The following TCF7 variants were observed in gnomAD, a reference collection of about 807,000 sequenced individuals.
TCF7 encodes T-cell-factor-7.
TCF7 carries 19 observed loss-of-function variants against 46.8 expected under a neutral mutation model. That is an observed-to-expected ratio of 0.41 (90% CI 0.28 to 0.60). The LOEUF (loss-of-function observed/expected upper bound fraction) is 0.60, where lower values mean the gene tolerates loss of function less well. TCF7 is among the 20% of genes least tolerant of loss of function. The probability of loss-of-function intolerance (pLI) is 0.35; values close to 1 mark genes in which losing one functional copy is unlikely to be tolerated. For missense variants in TCF7, 547 were observed against 504.6 expected (o/e 1.08, Z -0.81); for synonymous variants, 245 against 213.4 (o/e 1.15, Z -1.29).
intron 3 of TCF7, among the ~76,000 whole-genome samples, chr5:134,136,705 G>T (rs1350750345): frequency 6.6e-6 from 1 of 152,112 alleles, no homozygotes; most frequent in African/African-American, 2.4e-5. Flanking sequence ...CCTTCTCCAG[G>T]CCTGGTAATA....
At chr5:134,122,198 A>G (rs947224814) in intron 3 of TCF7, among the ~76,000 whole-genome samples, 4 of 152,122 alleles carry the variant, frequency 2.6e-5, no homozygotes, top group Non-Finnish European at 2.9e-5. Flanking sequence ...GGTTAGAGCC[A>G]GGCTTCCTGC....
intron 3 of TCF7, among the ~76,000 whole-genome samples, chr5:134,123,140 G>T (rs575274220): frequency 8.4e-4 from 128 of 152,354 alleles, no homozygotes; most frequent in Non-Finnish European, 1.6e-3. Context: ...GGCAGCGGTG[G>T]TAGAGGGAAG....
chr5:134,134,909 G>GAGT (rs1474986499), intron 3 of TCF7, among the ~76,000 whole-genome samples: 6 of 152,314 alleles, frequency 3.9e-5, no homozygotes, highest in African/African-American at 1.4e-4. Flanking sequence ...ACAAGGAAGA[G>GAGT]AGTAGAAGGT....
intron 3 of TCF7, among the ~76,000 whole-genome samples, chr5:134,122,278 C>A (rs991196448): frequency 6.6e-6 from 1 of 152,088 alleles, no homozygotes; most frequent in African/African-American, 2.4e-5. Flanking sequence ...TCTGGAAAGT[C>A]GGGGTGAGTA....
chr5:134,143,478 G>A (rs1255248891), intron 8 of TCF7, 114 bp from the exon 9 acceptor site: 4 of 1,268,120 alleles, frequency 3.2e-6, no homozygotes, highest in East Asian at 2.3e-5. Context: ...GCACCCCAAG[G>A]TAGGAGGGGC....
intron 3 of TCF7, among the ~76,000 whole-genome samples, chr5:134,137,171 C>A (rs1334913580): frequency 1.3e-5 from 2 of 152,196 alleles, no homozygotes. Context: ...CGCCTGTAAT[C>A]CCAGCACTCT....
At chr5:134,145,123 A>G in intron 9 of TCF7, 1 of 643,714 alleles carries the variant, frequency 1.6e-6, no homozygotes. Flanking sequence ...CAGACTCAAG[A>G]AGGCAGCTCT....
rs184779635 is a variant in TCF7 at position 134,117,224 on chromosome 5, C to T, written c.441+1191C>T. The stretch of plus-strand genomic sequence containing the variant: ...TATCCGACTTTCTGCTCTGGGGTGG[C>T]TTGGTATATGAGGTGGTTCACTTCC... On this transcript the variant is annotated intron_variant, in intron 3 of 9. Transcript: ENST00000342854. 4.3e-3 allele frequency among the ~76,000 whole-genome samples: 653 copies of T among 152,256 alleles called. 7 individuals carry two copies. The highest frequency in any genetic ancestry group is 6.8e-3 in the Middle Eastern group (2 of 294).
intron 2 of TCF7, 25 bp from the exon 3 acceptor site, chr5:134,115,884 T>C (rs1231726839): frequency 6.2e-7 from 1 of 1,613,760 alleles, no homozygotes; most frequent in Non-Finnish European, 8.5e-7. Flanking sequence ...GGCTGGTGTG[T>C]CTGACCCAGC....
chr5:134,126,404 A>G (rs1357291043), intron 3 of TCF7, among the ~76,000 whole-genome samples: 1 of 152,262 alleles, frequency 6.6e-6, no homozygotes, highest in Admixed American at 6.5e-5. Context: ...AGTTGGGACC[A>G]GAAAGGGCCG....
chr5:134,123,351 C>T (rs1244357910), intron 3 of TCF7, among the ~76,000 whole-genome samples: 2 of 152,250 alleles, frequency 1.3e-5, no homozygotes, highest in Admixed American at 6.5e-5. Context: ...CTTCGCCTGG[C>T]TCAGCATGTG....
At position 134,115,959 on chromosome 5, in the gene TCF7, TCC is replaced by T; in HGVS notation, c.368_369del (p.Ser123CysfsTer68). 1 of 1,614,020 alleles carries T rather than the reference TCC, an allele frequency of 6.2e-7. No homozygotes were observed. Among genetic ancestry groups the T allele is most frequent in the Non-Finnish European group, 8.5e-7 (1 of 1,180,028 alleles). ...TSGMYKETVYSAFNLLMHYPP... is the reference protein window; with the variant it reads ...TSGMYKETVYXAFNLLMHYPP... ...CGGCATGTACAAAGAGACCGTCTAC[TCC>T]GCCTTCAATCTGCTCATGCATTACC... On this transcript the variant is annotated frameshift_variant, in exon 3 of 10. Coordinates refer to ENST00000342854, the MANE Select transcript of TCF7 (RefSeq NM_003202.5). LOFTEE classifies it high-confidence loss of function.
chr5:134,115,841 G>A, intron 2 of TCF7, 68 bp from the exon 3 acceptor site: 1 of 1,606,238 alleles, frequency 6.2e-7, no homozygotes, highest in Non-Finnish European at 8.5e-7. Context: ...TTTCTCTCAA[G>A]AGCAGACAGC....
intron 3 of TCF7, among the ~76,000 whole-genome samples, chr5:134,124,911 GA>G (rs951682910): frequency 3.3e-5 from 5 of 152,168 alleles, no homozygotes; most frequent in African/African-American, 1.2e-4. Context: ...CTCCTCCCAG[GA>G]AACCCAGTTT....
rs1274229831 is a variant in TCF7 at position 134,146,273 on chromosome 5, A to G, written c.1125A>G (p.Pro375=). The G allele has an allele frequency of 6.2e-7, 1 of 1,613,872 alleles. No individual in the cohort carries two copies. Among genetic ancestry groups the G allele is most frequent in the Admixed American group, 1.7e-5 (1 of 60,020 alleles). ...FGTYPEKAAA[P]APFLPMTVL is the part of the protein sequence containing the mutation. ...CTTACCCGGAGAAGGCCGCTGCCCCAGCCCCGTTCCTTCCGATGACAGTGC... is the reference window on the plus strand; with the variant it reads ...CTTACCCGGAGAAGGCCGCTGCCCCGGCCCCGTTCCTTCCGATGACAGTGC... The change falls in exon 10 of 10, where the codon CCA becomes CCG. Residue 375 remains proline, a synonymous_variant. Coordinates refer to ENST00000342854, the MANE Select transcript of TCF7 (RefSeq NM_003202.5).
At chr5:134,132,514 C>T (rs886717433) in intron 3 of TCF7, among the ~76,000 whole-genome samples, 2 of 152,248 alleles carry the variant, frequency 1.3e-5, no homozygotes, top group Non-Finnish European at 2.9e-5. Context: ...CCCCTACCCC[C>T]CACAGGCTTG....
intron 2 of TCF7, chr5:134,115,621 T>A: frequency 7.0e-7 from 1 of 1,430,694 alleles, no homozygotes; most frequent in Non-Finnish European, 9.1e-7. Context: ...CCGCCTCCCC[T>A]CCTGCCCAGG....
chr5:134,134,924 G>C (rs1040058494), intron 3 of TCF7, among the ~76,000 whole-genome samples: 1 of 152,160 alleles, frequency 6.6e-6, no homozygotes, highest in African/African-American at 2.4e-5. Flanking sequence ...GAAGGTGCTG[G>C]GGTTACAGAG....
At chr5:134,145,375 T>G in intron 9 of TCF7, 1 of 549,772 alleles carries the variant, frequency 1.8e-6, no homozygotes, top group East Asian at 4.9e-5. Flanking sequence ...TACCTACTGA[T>G]ACCAAAGGGC....
Sources: allele counts gnomAD v4.1 joint callset (sites outside exome capture counted in the v4.1 genomes callset), GRCh38; gene constraint gnomAD v4.1.1; transcripts MANE v1.5; gene names NCBI Gene and HGNC (gene_info 2026-07-23, HGNC 2026-07-21).